The following SNX29 variants were observed in gnomAD, a reference collection of about 807,000 sequenced individuals.
SNX29 encodes the protein sorting nexin-29.
In SNX29, 78 loss-of-function variants were observed where a neutral mutation model predicts 102.1. That is an observed-to-expected ratio of 0.76 (90% CI 0.64 to 0.92). The LOEUF is 0.92. Among genes scored for constraint, SNX29 ranks in the 40% least tolerant of loss-of-function variants. The pLI is 0.00. For missense variants in SNX29, 1,280 were observed against 1,061.7 expected (o/e 1.21, Z -2.86); for synonymous variants, 580 against 414.5 (o/e 1.40, Z -4.85).
intron 14 of SNX29, among the ~76,000 whole-genome samples, chr16:12,248,615 C>T (rs1218996948): frequency 6.6e-6 from 1 of 151,976 alleles, no homozygotes; most frequent in East Asian, 1.9e-4. Flanking sequence ...GGGGTCTCGC[C>T]AGATTGGCCA....
Position 12,326,761 on chromosome 16 carries a change from T to A in SNX29, c.1783-29402T>A, listed in dbSNP as rs540822262. 4.9e-4 allele frequency among the ~76,000 whole-genome samples: 3 copies of A among 6,080 alleles called. No individual in the cohort carries two copies. The East Asian group carries it at 0.38, about 760-fold the overall frequency. The allele number at this position is 6,080 out of a possible 152,430, so 4.0% of individuals were successfully genotyped here. ...TTTTCTTGGAGTACAGTGGATATTA[T>A]ACTAGCTTGTGGTACTGTGGTGCAG... On this transcript the variant is annotated intron_variant, in intron 15 of 20. Coordinates refer to ENST00000566228, the MANE Select transcript of SNX29 (RefSeq NM_032167.5).
At chr16:12,286,160 A>T (rs1410832144) in intron 15 of SNX29, among the ~76,000 whole-genome samples, 3 of 148,662 alleles carry the variant, frequency 2.0e-5, no homozygotes, top group Non-Finnish European at 4.5e-5. Context: ...TTTTTTTTTT[A>T]ATCACATGAA....
chr16:12,476,154 C>G lies in SNX29; in HGVS notation c.2038-1565C>G, dbSNP rs530841146. 3.1e-3 allele frequency among the ~76,000 whole-genome samples: 469 copies of G among 150,678 alleles called. 3 individuals carry two copies. The highest frequency in any genetic ancestry group is 5.0e-3 in the Non-Finnish European group (340 of 67,684). On this transcript the variant is annotated intron_variant, in intron 18 of 20. Transcript: ENST00000566228. ...TGACCAACATGGCAAAACCTTGTCT[C>G]TACTAAAAATACAAAAAATTAGCCA...
chr16:12,319,106 AG>A lies in SNX29; in HGVS notation c.1783-37055del, dbSNP rs547999402. On this transcript the variant is annotated intron_variant, in intron 15 of 20. Transcript: ENST00000566228. ...CTTGTCATGCTTCAAGGCCCAGGAA[AG>A]GCCTGGGCACAACTAGGGGTGGGCT... 2.9e-3 allele frequency among the ~76,000 whole-genome samples: 437 copies of A among 152,286 alleles called. 1 individual carries two copies. Among genetic ancestry groups the A allele is most frequent in the South Asian group, 8.1e-3 (39 of 4,826 alleles).
chr16:12,019,072 A>G (rs2056937140), intron 3 of SNX29, among the ~76,000 whole-genome samples: 1 of 152,100 alleles, frequency 6.6e-6, no homozygotes, highest in Non-Finnish European at 1.5e-5. Flanking sequence ...CCTTTAAACC[A>G]TATTTCTTCA....
At chr16:12,242,552 T>G (rs552028408) in intron 14 of SNX29, among the ~76,000 whole-genome samples, 94 of 146,570 alleles carry the variant, frequency 6.4e-4, no homozygotes, top group African/African-American at 2.4e-3. Context: ...CAGCTGTGTC[T>G]GATTTGGCCG....
intron 3 of SNX29, among the ~76,000 whole-genome samples, chr16:12,014,160 T>C (rs1404361860): frequency 3.1e-4 from 47 of 152,232 alleles, no homozygotes; most frequent in African/African-American, 1.1e-3. Context: ...GCTGTGGACT[T>C]TGACCAGACT....
chr16:12,166,678 G>A (rs1400537025), intron 13 of SNX29, among the ~76,000 whole-genome samples: 3 of 152,150 alleles, frequency 2.0e-5, no homozygotes, highest in East Asian at 1.9e-4. Flanking sequence ...CAAAGATCCC[G>A]TGTACCCACC....
chr16:12,061,707 G>C lies in SNX29; in HGVS notation c.1243+61G>C. ...GAGCTTTGGCTTCGAGAACCAGCAG[G>C]AATGTCTGAGTTCCCTGGACAGGTA... On this transcript the variant is annotated intron_variant, in intron 9 of 20. Transcript: ENST00000566228. 4.9e-6 allele frequency: 7 copies of C among 1,429,086 alleles called. 1 individual carries two copies. The South Asian group carries it at 7.4e-5, about 15-fold the overall frequency. The allele number at this position is 1,429,086 out of a possible 1,614,324, so 88.5% of individuals were successfully genotyped here. A position where few individuals can be genotyped will look rare whatever the true frequency, so the allele number is the denominator to read the frequency against.
chr16:12,002,920 G>A, intron 2 of SNX29, 71 bp from the exon 3 acceptor site: 2 of 1,581,838 alleles, frequency 1.3e-6, no homozygotes, highest in Non-Finnish European at 1.7e-6. Flanking sequence ...TAAGCCCTGT[G>A]TAGGCTGTTT....
chr16:12,462,406 C>A (rs1597464363), intron 18 of SNX29, among the ~76,000 whole-genome samples: 1 of 152,052 alleles, frequency 6.6e-6, no homozygotes, highest in African/African-American at 2.4e-5. Flanking sequence ...CAGTGCCAAC[C>A]AGGAGTCCCA....
rs1044990069 is a variant in SNX29, at chr16:12,574,185, T to A, written c.*5556T>A. On this transcript the variant is annotated 3_prime_UTR_variant, in exon 21 of 21. Coordinates refer to ENST00000566228, the MANE Select transcript of SNX29 (RefSeq NM_032167.5). Reference sequence around the variant, plus strand: ...TTTTTAAGATCTCTTGTATTAAAATTTTCTTTTGGAATAAGCTGTGGAAAT... The same window carrying A: ...TTTTTAAGATCTCTTGTATTAAAATATTCTTTTGGAATAAGCTGTGGAAAT... The A allele has an allele frequency of 1.7e-5, 3 of 179,162 alleles. No individual in the cohort carries two copies. The Admixed American group carries it at 1.9e-4, about 11-fold the overall frequency. The allele number at this position is 179,162 out of a possible 1,614,324, so 11.1% of individuals were successfully genotyped here. A position where few individuals can be genotyped will look rare whatever the true frequency, so the allele number is the denominator to read the frequency against.
chr16:12,266,886 C>T (rs1016007108), intron 14 of SNX29, among the ~76,000 whole-genome samples: 2 of 152,146 alleles, frequency 1.3e-5, no homozygotes, highest in East Asian at 1.9e-4. Flanking sequence ...GCCTCAGCCT[C>T]CTGAGTAGCT....
chr16:12,433,233 T>C (rs1483596686), intron 18 of SNX29, among the ~76,000 whole-genome samples: 1 of 152,118 alleles, frequency 6.6e-6, no homozygotes, highest in Non-Finnish European at 1.5e-5. Context: ...AGAAAAGAAA[T>C]GTCTTGAGGG....
chr16:12,513,906 A>G (rs891132933), intron 19 of SNX29, among the ~76,000 whole-genome samples: 1 of 152,184 alleles, frequency 6.6e-6, no homozygotes, highest in Non-Finnish European at 1.5e-5. Context: ...TGGCAATAAC[A>G]GGAATTGCTC....
At chr16:12,538,919 A>G (rs936045157) in intron 20 of SNX29, among the ~76,000 whole-genome samples, 1 of 152,150 alleles carries the variant, frequency 6.6e-6, no homozygotes, top group Non-Finnish European at 1.5e-5. Flanking sequence ...AAGTGGGAGA[A>G]AGGGTGGCTG....
intron 19 of SNX29, among the ~76,000 whole-genome samples, chr16:12,524,358 C>G (rs541097013): frequency 1.2e-4 from 18 of 151,970 alleles, no homozygotes; most frequent in Admixed American, 7.2e-4. Flanking sequence ...GGCCTGTGAA[C>G]TCCACGAAGG....
intron 13 of SNX29, among the ~76,000 whole-genome samples, chr16:12,150,134 G>A (rs538781190): frequency 1.1e-4 from 16 of 152,274 alleles, no homozygotes; most frequent in African/African-American, 3.9e-4. Context: ...CTTTAAGGAG[G>A]GGGAGTAATT....
rs571275526 is a variant in SNX29, at chr16:12,463,142, G to A, written c.2038-14577G>A. Reference sequence around the variant, plus strand: ...GCCAGGCTCCTGGGCACTGCTGCCCGTCAGCGGTCGTTGTCGCTCTGACTT... The same window carrying A: ...GCCAGGCTCCTGGGCACTGCTGCCCATCAGCGGTCGTTGTCGCTCTGACTT... On this transcript the variant is annotated intron_variant, in intron 18 of 20. Coordinates refer to ENST00000566228, the MANE Select transcript of SNX29 (RefSeq NM_032167.5). Among the ~76,000 whole-genome samples, 25 of 152,286 alleles carry A rather than the reference G, an allele frequency of 1.6e-4. 1 individual carries two copies. The South Asian group carries it at 2.1e-3, about 13-fold the overall frequency.
Sources: gnomAD v4.1 joint callset for allele counts (sites outside exome capture counted in the v4.1 genomes callset) on GRCh38, gnomAD v4.1.1 for gene constraint, MANE v1.5 for transcripts, NCBI Gene and HGNC (gene_info 2026-07-23, HGNC 2026-07-21) for gene names.